B4GALT2: variants seen among roughly 807,000 people sequenced by gnomAD.
The protein encoded by B4GALT2 is beta-1,4-galactosyltransferase 2.
A neutral mutation model predicts 33.2 loss-of-function variants in B4GALT2; 18 were observed. The ratio of observed to expected loss-of-function variants is 0.54; its 90% confidence interval spans 0.38 to 0.80. The LOEUF (loss-of-function observed/expected upper bound fraction) is 0.80, where lower values mean the gene tolerates loss of function less well. Ranked by LOEUF, B4GALT2 falls within the 30% of genes least tolerant of loss-of-function variation. The pLI, the probability that B4GALT2 is intolerant of heterozygous loss-of-function variation, is 0.00. For missense variants in B4GALT2, 404 were observed against 526.2 expected (o/e 0.77, Z 2.27); for synonymous variants, 214 against 217.6 (o/e 0.98, Z 0.15).
chr1:43,991,054 T>TA lies in B4GALT2; in HGVS notation c.*608dup, dbSNP rs1242516141. On this transcript the variant is annotated 3_prime_UTR_variant, in exon 7 of 7. Coordinates refer to ENST00000372324, the MANE Select transcript of B4GALT2 (RefSeq NM_003780.5). ...GGGAGGCAGGTGGGGCTTGGATCAG[T>TA]AAGTCTGGTTCCCGCCTCCCTGTCT... 6.3e-6 allele frequency: 1 copy of TA among 157,794 alleles called. No homozygotes were observed. Among genetic ancestry groups the TA allele is most frequent in the East Asian group, 1.9e-4 (1 of 5,238 alleles). 9.8% of individuals were successfully genotyped at this position (157,794 alleles called of 1,614,324 possible). A position where few individuals can be genotyped will look rare whatever the true frequency, so the allele number is the denominator to read the frequency against.
Position 43,980,247 on chromosome 1 carries a change from A to C in B4GALT2, c.-53+736A>C, listed in dbSNP as rs989998305. 3 of 565,196 alleles carry C rather than the reference A, an allele frequency of 5.3e-6. No individual in the cohort carries two copies. The East Asian group carries it at 1.1e-4, about 21-fold the overall frequency. The allele number at this position is 565,196 out of a possible 1,614,324, so 35.0% of individuals were successfully genotyped here. ...CCACAGCTGGAGCCATCGCCCAGGC[A>C]AGACCCCCTTCCTGCCATGCCCAGT... is the stretch of plus-strand genomic sequence containing the variant. On this transcript the variant is annotated intron_variant, in intron 1 of 6. Transcript: ENST00000372324.
chr1:43,982,427 T>G lies in B4GALT2; in HGVS notation c.549+503T>G, dbSNP rs1557650812. ...CACAGAGACCTCCTAGACTTGGACA[T>G]GGGTCCCTCCCGTATGATGGGACAC... On this transcript the variant is annotated intron_variant, in intron 3 of 6. Transcript: ENST00000372324. This position sits in a 1 kb window ranked among gnomAD's most constrained non-coding sequence, Gnocchi z 4.3. 6.6e-6 allele frequency among the ~76,000 whole-genome samples: 1 copy of G among 151,136 alleles called. No individual in the cohort carries two copies. Among genetic ancestry groups the G allele is most frequent in the Non-Finnish European group, 1.5e-5 (1 of 67,874 alleles).
At chr1:43,985,190 C>T in intron 4 of B4GALT2, 88 bp from the exon 5 acceptor site, 1 of 1,563,932 alleles carries the variant, frequency 6.4e-7, no homozygotes, top group Non-Finnish European at 8.7e-7. Flanking sequence ...CCCTGGACCC[C>T]ATTGGACATT....
rs1252712186 is a variant in B4GALT2, at chr1:43,981,471, T to C, written c.311T>C (p.Leu104Pro). 6.3e-7 allele frequency: 1 copy of C among 1,575,488 alleles called. No individual in the cohort carries two copies. The change falls in exon 2 of 7, where the codon CTT (leucine) becomes CCT (proline). Residue 104 changes from leucine to proline, a missense_variant and splice_region_variant. Transcript: ENST00000372324. This position sits in a 1 kb window ranked among gnomAD's most constrained non-coding sequence, Gnocchi z 8.1. ...LPPCPDSPPG[L>P]VGRLLIEFTS... Reference sequence around the variant, plus strand: ...CCCTGTCCTGACTCGCCACCTGGTCTTGGTGAGCCTGGAGGGTAGGGCCTG... The same window carrying C: ...CCCTGTCCTGACTCGCCACCTGGTCCTGGTGAGCCTGGAGGGTAGGGCCTG...
intron 1 of B4GALT2, chr1:43,980,160 T>A: frequency 8.4e-7 from 1 of 1,183,490 alleles, no homozygotes; most frequent in African/African-American, 1.6e-5. Context: ...TGATTCTGTG[T>A]GCCTGTGAGA....
intron 3 of B4GALT2, among the ~76,000 whole-genome samples, chr1:43,983,677 G>A (rs1243973831): frequency 6.6e-6 from 1 of 152,244 alleles, no homozygotes; most frequent in Non-Finnish European, 1.5e-5. Flanking sequence ...GGTGGCTGGA[G>A]GGAGGTTTGT....
intron 6 of B4GALT2, 72 bp from the exon 7 acceptor site, chr1:43,990,226 T>C: frequency 1.9e-6 from 3 of 1,574,868 alleles, no homozygotes; most frequent in Non-Finnish European, 2.6e-6. Flanking sequence ...ATTTAGTTGG[T>C]TGGGGGGTGT....
In B4GALT2 at chr1:43,979,265, TCCG is replaced by T. The variant is rs1207540956; in HGVS notation, c.-295_-293del. On this transcript the variant is annotated 5_prime_UTR_variant, in exon 1 of 7. Coordinates refer to ENST00000372324, the MANE Select transcript of B4GALT2 (RefSeq NM_003780.5). This position sits in a 1 kb window ranked among gnomAD's most constrained non-coding sequence, Gnocchi z 4.8. ...AGGCGGCGGCGCTGTGGTCCGTGGG[TCCG>T]CCGGTCCGTGGGTCTGCCCGGCCGC... The T allele has an allele frequency of 6.9e-6, 1 of 144,556 alleles. No homozygotes were observed. The highest frequency in any genetic ancestry group is 1.5e-5 in the Non-Finnish European group (1 of 65,222). The allele number at this position is 144,556 out of a possible 1,614,324, so 9.0% of individuals were successfully genotyped here. A position where few individuals can be genotyped will look rare whatever the true frequency, so the allele number is the denominator to read the frequency against.
In B4GALT2 at chr1:43,979,889, C is replaced by T. The variant is rs948527102; in HGVS notation, c.-53+378C>T. ...CCGCGGGTGCCACGTGTTCAGCCTG[C>T]CAGCCCCGCCCAAACGCACCCCTCA... On this transcript the variant is annotated intron_variant, in intron 1 of 6. Transcript: ENST00000372324. This position sits in a 1 kb window ranked among gnomAD's most constrained non-coding sequence, Gnocchi z 4.8. The T allele has an allele frequency of 8.6e-6, 10 of 1,157,940 alleles. No individual in the cohort carries two copies. Among genetic ancestry groups the T allele is most frequent in the African/African-American group, 6.3e-5 (4 of 63,562 alleles). The allele number at this position is 1,157,940 out of a possible 1,614,324, so 71.7% of individuals were successfully genotyped here. A position where few individuals can be genotyped will look rare whatever the true frequency, so the allele number is the denominator to read the frequency against.
rs2085570946 is a variant in B4GALT2 at position 43,979,608 on chromosome 1, C to T, written c.-53+97C>T. On this transcript the variant is annotated intron_variant, in intron 1 of 6. Coordinates refer to ENST00000372324, the MANE Select transcript of B4GALT2 (RefSeq NM_003780.5). The surrounding 1 kb of genome is among the most constrained non-coding windows in gnomAD (Gnocchi z 4.8). Reference sequence around the variant, plus strand: ...CGAGCGCGGCCCCGAGATCCCAACCCAGGAGCCGGTGAGAGAGGCGCCGGC... The same window carrying T: ...CGAGCGCGGCCCCGAGATCCCAACCTAGGAGCCGGTGAGAGAGGCGCCGGC... 1 of 169,068 alleles carries T rather than the reference C, an allele frequency of 5.9e-6. No individual in the cohort carries two copies. Among genetic ancestry groups the T allele is most frequent in the Admixed American group, 6.4e-5 (1 of 15,534 alleles). The allele number at this position is 169,068 out of a possible 1,614,324, so 10.5% of individuals were successfully genotyped here.
rs924570177 is a variant in B4GALT2, at chr1:43,990,760, T to C, written c.*312T>C. 2.6e-6 allele frequency: 1 copy of C among 388,012 alleles called. No individual in the cohort carries two copies. Among genetic ancestry groups the C allele is most frequent in the Non-Finnish European group, 4.8e-6 (1 of 206,402 alleles). The allele number at this position is 388,012 out of a possible 1,614,324, so 24.0% of individuals were successfully genotyped here. A position where few individuals can be genotyped will look rare whatever the true frequency, so the allele number is the denominator to read the frequency against. ...CACTGCCTCGCAGAGTGGCCTGGGC[T>C]AGGTCACTCCACCTCTCTGTGCCTC... On this transcript the variant is annotated 3_prime_UTR_variant, in exon 7 of 7. Coordinates refer to ENST00000372324, the MANE Select transcript of B4GALT2 (RefSeq NM_003780.5).
intron 5 of B4GALT2, 33 bp downstream of exon 5, chr1:43,985,433 T>TGGGGGGGGGGGGGGGGGGGGGG: frequency 7.0e-6 from 1 of 143,550 alleles, no homozygotes; most frequent in East Asian, 1.3e-4. Flanking sequence ...ATAGGCTGGG[T>TGGGGGGGGGGGGGGGGGGGGGG]GGGGGGGGGA....
chr1:43,984,623 G>T lies in B4GALT2; in HGVS notation c.550-242G>T, dbSNP rs1013002185. On this transcript the variant is annotated intron_variant, in intron 3 of 6. Transcript: ENST00000372324. The surrounding 1 kb of genome is among the most constrained non-coding windows in gnomAD (Gnocchi z 5.6). ...GTCTGGCATATTCCGGGGCTGCTGAGGGATGTTGTGTGGCTGGGCCTCGGG... is the reference window on the plus strand; with the variant it reads ...GTCTGGCATATTCCGGGGCTGCTGATGGATGTTGTGTGGCTGGGCCTCGGG... Among the ~76,000 whole-genome samples, 4 of 152,230 alleles carry T rather than the reference G, an allele frequency of 2.6e-5. No homozygotes were observed. The highest frequency in any genetic ancestry group is 9.6e-5 in the African/African-American group (4 of 41,458).
At chr1:43,983,360 G>A (rs936073049) in intron 3 of B4GALT2, among the ~76,000 whole-genome samples, 3 of 152,214 alleles carry the variant, frequency 2.0e-5, no homozygotes, top group Middle Eastern at 3.2e-3. Context: ...CGAGAGGCTT[G>A]GCCAGAAGGG....
intron 1 of B4GALT2, chr1:43,980,314 C>T (rs1047675454): frequency 8.4e-5 from 33 of 394,016 alleles, no homozygotes; most frequent in Non-Finnish European, 3.1e-5. Flanking sequence ...TTCCGGGAAT[C>T]AGAACCAGCT....
intron 1 of B4GALT2, among the ~76,000 whole-genome samples, chr1:43,980,841 CTGAG>C (rs911714691): frequency 4.6e-5 from 7 of 152,008 alleles, no homozygotes; most frequent in African/African-American, 1.5e-4. Context: ...GGGTGAGTGC[CTGAG>C]TGTGTGTGTC....
At chr1:43,985,825 C>A (rs1016781582) in intron 6 of B4GALT2, 14 of 605,456 alleles carry the variant, frequency 2.3e-5, no homozygotes, top group South Asian at 5.9e-5. Flanking sequence ...TCGTTGTCCC[C>A]CAACCCCCAG....
chr1:43,979,984 G>C lies in B4GALT2; in HGVS notation c.-53+473G>C, dbSNP rs1479309415. 1.9e-5 allele frequency: 29 copies of C among 1,527,708 alleles called. No individual in the cohort carries two copies. The highest frequency in any genetic ancestry group is 2.3e-5 in the Non-Finnish European group (26 of 1,142,850). 94.6% of individuals were successfully genotyped at this position (1,527,708 alleles called of 1,614,324 possible). On this transcript the variant is annotated intron_variant, in intron 1 of 6. Coordinates refer to ENST00000372324, the MANE Select transcript of B4GALT2 (RefSeq NM_003780.5). This position sits in a 1 kb window ranked among gnomAD's most constrained non-coding sequence, Gnocchi z 4.8. ...GTGGGAATGTCTGCACGTGGGTCTG[G>C]GTGTGAGCTGTCTGAGAGTCTGGAT...
chr1:43,980,968 G>T (rs2154303168), intron 1 of B4GALT2, 141 bp from the exon 2 acceptor site: 6 of 1,211,492 alleles, frequency 5.0e-6, no homozygotes, highest in Middle Eastern at 2.9e-4. Context: ...GTAAATTCTT[G>T]AGTCTGTGAG....
Sources: allele counts gnomAD v4.1 joint callset (sites outside exome capture counted in the v4.1 genomes callset), GRCh38; gene constraint gnomAD v4.1.1; non-coding constraint Gnocchi (gnomAD v3.1); transcripts MANE v1.5; gene names NCBI Gene and HGNC (gene_info 2026-07-23, HGNC 2026-07-21).